Variants in CAMK1D observed in about 807,000 individuals in gnomAD.
The protein encoded by CAMK1D is calcium/calmodulin-dependent protein kinase type 1D.
Under a neutral mutation model 47.7 loss-of-function variants are expected in CAMK1D, and 9 were observed. That is an observed-to-expected ratio of 0.19 (90% CI 0.11 to 0.33). The LOEUF (loss-of-function observed/expected upper bound fraction) is 0.33. CAMK1D is among the 10% of genes least tolerant of loss of function. The pLI is 1.00. For synonymous variants in CAMK1D, 184 were observed against 184.9 expected, an observed-to-expected ratio of 0.99 and a Z score of 0.04; for missense variants, 291 against 488.7, an observed-to-expected ratio of 0.60 and a Z score of 3.81.
intron 8 of CAMK1D, among the ~76,000 whole-genome samples, chr10:12,823,554 G>T (rs1024248256): frequency 6.6e-6 from 1 of 151,956 alleles, no homozygotes; most frequent in Non-Finnish European, 1.5e-5. Context: ...ATTGTGAGCC[G>T]AGAGAGAGGA....
chr10:12,802,268 G>T (rs989864340), intron 6 of CAMK1D, among the ~76,000 whole-genome samples: 1 of 152,180 alleles, frequency 6.6e-6, no homozygotes, highest in Non-Finnish European at 1.5e-5. Flanking sequence ...GCCCTGCAAG[G>T]TCTCGCCAGA....
intron 3 of CAMK1D, among the ~76,000 whole-genome samples, chr10:12,749,268 AT>A (rs1422833386): frequency 2.0e-5 from 3 of 151,792 alleles, no homozygotes; most frequent in Non-Finnish European, 2.9e-5. Flanking sequence ...GGGGAAAAAA[AT>A]CTTTGTCATT....
At chr10:12,788,288 C>T (rs1373097859) in intron 5 of CAMK1D, among the ~76,000 whole-genome samples, 1 of 152,170 alleles carries the variant, frequency 6.6e-6, no homozygotes, top group Non-Finnish European at 1.5e-5. Context: ...ACTCTGGGCA[C>T]CTGGCACGGG....
At chr10:12,469,216 A>G (rs1833678864) in intron 1 of CAMK1D, among the ~76,000 whole-genome samples, 1 of 152,156 alleles carries the variant, frequency 6.6e-6, no homozygotes. Flanking sequence ...GAATGGGAAC[A>G]TGGCCTTGTT....
chr10:12,443,175 C>G (rs954850151), intron 1 of CAMK1D, among the ~76,000 whole-genome samples: 2 of 151,970 alleles, frequency 1.3e-5, no homozygotes, highest in Non-Finnish European at 2.9e-5. Flanking sequence ...GTGAAACTGA[C>G]TCGAGGAGGA....
At chr10:12,807,755 G>A (rs537755700) in intron 6 of CAMK1D, among the ~76,000 whole-genome samples, 1 of 152,294 alleles carries the variant, frequency 6.6e-6, no homozygotes, top group South Asian at 2.1e-4. Flanking sequence ...TCCTACACCA[G>A]ATCTGCCCGG....
chr10:12,673,085 A>G (rs1033557854), intron 3 of CAMK1D, among the ~76,000 whole-genome samples: 4 of 151,864 alleles, frequency 2.6e-5, no homozygotes, highest in African/African-American at 7.3e-5. Flanking sequence ...TGGTTTCACC[A>G]TCTTGCCCAG....
At chr10:12,363,934 G>T (rs1837758720) in intron 1 of CAMK1D, among the ~76,000 whole-genome samples, 1 of 152,126 alleles carries the variant, frequency 6.6e-6, no homozygotes, top group South Asian at 2.1e-4. Flanking sequence ...CAATGTCTGA[G>T]CCCGTGCCTC....
Position 12,594,864 on chromosome 10 carries a change from T to C in CAMK1D, c.224+41508T>C, listed in dbSNP as rs140885996. Reference sequence around the variant, plus strand: ...GGTTGACGTAGGTGGGGCAGCCATATTGCAGCCAGGCCCAGGCTGCAGGAA... The same window carrying C: ...GGTTGACGTAGGTGGGGCAGCCATACTGCAGCCAGGCCCAGGCTGCAGGAA... On this transcript the variant is annotated intron_variant, in intron 2 of 10. Coordinates refer to ENST00000619168, the MANE Select transcript of CAMK1D (RefSeq NM_153498.4). 3.6e-3 allele frequency among the ~76,000 whole-genome samples: 549 copies of C among 152,286 alleles called. 4 individuals carry two copies. Among genetic ancestry groups the C allele is most frequent in the African/African-American group, 0.013 (521 of 41,556 alleles).
At chr10:12,739,630 A>G (rs1414996188) in intron 3 of CAMK1D, among the ~76,000 whole-genome samples, 1 of 152,048 alleles carries the variant, frequency 6.6e-6, no homozygotes, top group Non-Finnish European at 1.5e-5. Flanking sequence ...GAAAAAAAAG[A>G]TTGAGAGGAT....
intron 2 of CAMK1D, among the ~76,000 whole-genome samples, chr10:12,641,472 A>C (rs939520109): frequency 1.3e-5 from 2 of 151,988 alleles, no homozygotes; most frequent in Non-Finnish European, 2.9e-5. Flanking sequence ...AAATACAAAA[A>C]TTAGCTGGGT....
intron 1 of CAMK1D, among the ~76,000 whole-genome samples, chr10:12,521,118 T>C (rs191170082): frequency 2.0e-5 from 3 of 152,332 alleles, no homozygotes; most frequent in Admixed American, 1.3e-4. Flanking sequence ...TTCAATTTCA[T>C]TGATTCCTGT....
intron 3 of CAMK1D, among the ~76,000 whole-genome samples, chr10:12,704,474 A>G (rs1833653337): frequency 1.3e-5 from 2 of 152,196 alleles, no homozygotes; most frequent in South Asian, 2.1e-4. Context: ...CCTGTTTTCA[A>G]GAGTCTCATG....
rs186113178 is a variant in CAMK1D, at chr10:12,783,273, G to A, written c.566-7885G>A. Reference sequence around the variant, plus strand: ...CTCCCAAAGTGCTGGGATTACAGGCGTGAGCCACTATACCCGGCCTGGTGC... The same window carrying A: ...CTCCCAAAGTGCTGGGATTACAGGCATGAGCCACTATACCCGGCCTGGTGC... On this transcript the variant is annotated intron_variant, in intron 5 of 10. Transcript: ENST00000619168. Among the ~76,000 whole-genome samples the A allele has an allele frequency of 3.7e-4, 57 of 152,302 alleles. No homozygotes were observed. The East Asian group carries it at 0.01, about 27-fold the overall frequency.
chr10:12,756,559 T>G (rs1836233737), intron 3 of CAMK1D, among the ~76,000 whole-genome samples: 2 of 152,236 alleles, frequency 1.3e-5, no homozygotes, highest in African/African-American at 2.4e-5. Context: ...TGTCAAACGA[T>G]TTCATATTTG....
intron 3 of CAMK1D, among the ~76,000 whole-genome samples, chr10:12,696,572 A>G (rs941998949): frequency 1.3e-5 from 2 of 152,198 alleles, no homozygotes. Flanking sequence ...AATTATCCCA[A>G]GACTCGGAAT....
At chr10:12,827,804 T>C (rs537527105) in intron 10 of CAMK1D, among the ~76,000 whole-genome samples, 1 of 152,102 alleles carries the variant, frequency 6.6e-6, no homozygotes, top group East Asian at 1.9e-4. Context: ...TCCTCCTGTC[T>C]CAGCCTTCTG....
chr10:12,756,918 G>A (rs756942596), intron 3 of CAMK1D, among the ~76,000 whole-genome samples: 10 of 152,162 alleles, frequency 6.6e-5, no homozygotes, highest in South Asian at 4.1e-4. Flanking sequence ...GTGAGACTCC[G>A]TCTCAAAATA....
At chr10:12,819,481 C>T (rs572274849) in intron 8 of CAMK1D, among the ~76,000 whole-genome samples, 3 of 152,290 alleles carry the variant, frequency 2.0e-5, no homozygotes, top group South Asian at 2.1e-4. Context: ...ACTCACTGCC[C>T]GTGTGGATGA....
Sources: allele counts gnomAD v4.1 joint callset (sites outside exome capture counted in the v4.1 genomes callset), GRCh38; gene constraint gnomAD v4.1.1; transcripts MANE v1.5; gene names NCBI Gene and HGNC (gene_info 2026-07-23, HGNC 2026-07-21).